Variants in NSD3 observed in about 807,000 individuals in gnomAD.
NSD3 encodes histone-lysine N-methyltransferase NSD3.
NSD3 carries 24 observed loss-of-function variants against 160.8 expected under a neutral mutation model. The ratio of observed to expected loss-of-function variants is 0.15; its 90% CI spans 0.11 to 0.21. The LOEUF (loss-of-function observed/expected upper bound fraction) is 0.21. Among genes scored for constraint, NSD3 ranks in the 10% least tolerant of loss-of-function variants. The pLI is 1.00. For synonymous variants in NSD3, 520 were observed against 600.0 expected (o/e 0.87, Z 1.95); for missense variants, 1,157 against 1,735.9 (o/e 0.67, Z 5.93).
chr8:38,360,646 T>C (rs997393230), intron 1 of NSD3, among the ~76,000 whole-genome samples: 4 of 152,188 alleles, frequency 2.6e-5, no homozygotes, highest in Non-Finnish European at 5.9e-5. Context: ...TCTATATTAG[T>C]AAACCTTATC....
chr8:38,279,717 T>C (rs781442168), intron 20 of NSD3, 36 bp from the exon 21 acceptor site: 2 of 1,593,870 alleles, frequency 1.3e-6, no homozygotes, highest in Non-Finnish European at 8.6e-7. Flanking sequence ...TTTACATAAA[T>C]TAAGTCTCTC....
At chr8:38,335,495 C>T (rs60312002) in intron 4 of NSD3, among the ~76,000 whole-genome samples, 2 of 151,946 alleles carry the variant, frequency 1.3e-5, no homozygotes, top group South Asian at 2.1e-4. Context: ...CATGATGTAA[C>T]TTCTTAGAGA....
intron 22 of NSD3, 78 bp downstream of exon 22, chr8:38,278,228 G>C (rs183796929): frequency 6.0e-6 from 8 of 1,322,656 alleles, no homozygotes; most frequent in Non-Finnish European, 8.4e-6. Flanking sequence ...ATGAGCCACC[G>C]CGCCCGGCCA....
intron 20 of NSD3, 45 bp downstream of exon 20, chr8:38,281,422 C>T (rs778968388): frequency 1.1e-5 from 12 of 1,101,414 alleles, no homozygotes; most frequent in South Asian, 2.1e-5. Flanking sequence ...GAAACAAAAA[C>T]AAAAACAAAT....
rs1362790190 is a variant in NSD3 at position 38,275,851 on chromosome 8, A to G, written c.4104T>C (p.Asp1368=). ...GKWECPWHQC[D]ECSSAAVSFC... is the part of the protein sequence containing the mutation. The stretch of plus-strand genomic sequence containing the variant: ...AGGAAACAGCTGCACTGCTGCACTC[A>G]TCGCACTGATGCCACGGACACTCCC... Residue 1368 remains aspartate (D), a synonymous_variant, in exon 24 of 24, where the codon GAT becomes GAC. Transcript: ENST00000317025. 1 of 1,614,184 alleles carries G rather than the reference A, an allele frequency of 6.2e-7. No homozygotes were observed. The highest frequency in any genetic ancestry group is 1.7e-5 in the Admixed American group (1 of 60,026).
At chr8:38,326,947 T>G (rs907181322) in intron 6 of NSD3, 91 bp from the exon 7 acceptor site, 3 of 1,399,420 alleles carry the variant, frequency 2.1e-6, no homozygotes. Context: ...AAAATGATCA[T>G]AATTTGCTTA....
intron 1 of NSD3, among the ~76,000 whole-genome samples, chr8:38,359,333 A>T (rs563150408): frequency 4.7e-4 from 71 of 152,316 alleles, no homozygotes; most frequent in Middle Eastern, 3.4e-3. Flanking sequence ...CAGCAAAACC[A>T]AACTGCTATG....
intron 2 of NSD3, among the ~76,000 whole-genome samples, chr8:38,344,374 C>T (rs1810461542): frequency 6.6e-6 from 1 of 152,188 alleles, no homozygotes; most frequent in Non-Finnish European, 1.5e-5. Context: ...CAGGTTCAAG[C>T]AATTCCTGTG....
chr8:38,313,523 T>C (rs1809583565), intron 12 of NSD3, among the ~76,000 whole-genome samples: 1 of 151,966 alleles, frequency 6.6e-6, no homozygotes, highest in Non-Finnish European at 1.5e-5. Flanking sequence ...TAAGTCAGTG[T>C]TCAGTTAAAA....
At chr8:38,286,176 TC>T (rs2130989300) in intron 19 of NSD3, among the ~76,000 whole-genome samples, 1 of 152,260 alleles carries the variant, frequency 6.6e-6, no homozygotes, top group South Asian at 2.1e-4. Flanking sequence ...GTGTCCATCT[TC>T]CTGTAGTGTC....
chr8:38,342,247 G>C (rs1045467346), intron 2 of NSD3, among the ~76,000 whole-genome samples: 11 of 152,144 alleles, frequency 7.2e-5, no homozygotes, highest in African/African-American at 2.2e-4. Context: ...ATTATAAAAT[G>C]TACGTGAGCA....
At chr8:38,343,531 C>T (rs1300359477) in intron 2 of NSD3, among the ~76,000 whole-genome samples, 1 of 152,042 alleles carries the variant, frequency 6.6e-6, no homozygotes, top group Non-Finnish European at 1.5e-5. Context: ...AATGAAACCC[C>T]ATCTCTACTA....
intron 3 of NSD3, 96 bp from the exon 4 acceptor site, chr8:38,337,563 G>C: frequency 8.9e-7 from 1 of 1,128,098 alleles, no homozygotes; most frequent in African/African-American, 1.6e-5. Context: ...TTTATCTTCA[G>C]TTATACTTTG....
intron 8 of NSD3, 149 bp downstream of exon 8, chr8:38,320,923 A>G: frequency 1.6e-6 from 1 of 611,516 alleles, no homozygotes; most frequent in Admixed American, 3.4e-5. Context: ...ATTAAAACTG[A>G]GCACTGGAAC....
chr8:38,336,620 G>T (rs1295951557), intron 4 of NSD3, among the ~76,000 whole-genome samples: 5 of 152,136 alleles, frequency 3.3e-5, no homozygotes, highest in Non-Finnish European at 5.9e-5. Context: ...TTCAAAGAAG[G>T]CTTGGCGCAA....
At chr8:38,347,177 C>A (rs1264115725) in intron 2 of NSD3, among the ~76,000 whole-genome samples, 1 of 152,186 alleles carries the variant, frequency 6.6e-6, no homozygotes, top group Non-Finnish European at 1.5e-5. Context: ...AATTAGCTAT[C>A]TTCTCTTTGC....
At chr8:38,358,127 G>A (rs939476392) in intron 1 of NSD3, among the ~76,000 whole-genome samples, 3 of 152,058 alleles carry the variant, frequency 2.0e-5, no homozygotes, top group Admixed American at 2.0e-4. Context: ...CTGAAATTCA[G>A]AATGTAGAAG....
rs899625783 is a variant in NSD3 at position 38,331,356 on chromosome 8, A to G, written c.1065+75T>C. 6.4e-6 allele frequency: 9 copies of G among 1,400,554 alleles called. No individual in the cohort carries two copies. In the African/African-American group the frequency reaches 1.2e-4, roughly 18 times the overall value. 86.8% of individuals were successfully genotyped at this position (1,400,554 alleles called of 1,614,324 possible). On this transcript the variant is annotated intron_variant, in intron 5 of 23. Coordinates refer to ENST00000317025, the MANE Select transcript of NSD3 (RefSeq NM_023034.2). ...GGATTCTAATAATTATCTGAATTCA[A>G]GTATGAAAAATTCTTCTAAATTATT...
At position 38,276,433 on chromosome 8, in the gene NSD3, A is replaced by G. The variant is rs1808602810; in HGVS notation, c.3935T>C (p.Ile1312Thr). ...ATGCATCTGCTTTGGTTCTGTTTTGATCTTTCGTCTCTTCTGTTTTAACTT... is the reference window on the plus strand; with the variant it reads ...ATGCATCTGCTTTGGTTCTGTTTTGGTCTTTCGTCTCTTCTGTTTTAACTT... ...NAKLKQKRRK[I>T]KTEPKQMHED... The change falls in exon 23 of 24, where the codon ATC becomes ACC. Residue 1312 changes from isoleucine (I) to threonine (T), a missense_variant. This residue lies in a region of NSD3 where 222 missense variants were observed against 409.9 expected (regional missense o/e 0.54). Coordinates refer to ENST00000317025, the MANE Select transcript of NSD3 (RefSeq NM_023034.2). The G allele has an allele frequency of 2.5e-6, 4 of 1,614,066 alleles. No homozygotes were observed. The highest frequency in any genetic ancestry group is 1.3e-5 in the African/African-American group (1 of 74,918).
Sources: gnomAD v4.1 joint callset for allele counts (sites outside exome capture counted in the v4.1 genomes callset) on GRCh38, gnomAD v4.1.1 for gene constraint, gnomAD v4.1.1 regional missense constraint, MANE v1.5 for transcripts, NCBI Gene and HGNC (gene_info 2026-07-23, HGNC 2026-07-21) for gene names.